The following TMEM232 variants were observed in gnomAD, a reference collection of about 807,000 sequenced individuals.
TMEM232 encodes transmembrane protein 232.
TMEM232 carries 80 observed loss-of-function variants against 78.8 expected under a neutral mutation model. The observed-to-expected ratio is 1.01, with a 90% CI of 0.85 to 1.22. The LOEUF (loss-of-function observed/expected upper bound fraction) is 1.22. Among genes scored for constraint, TMEM232 ranks in the 50% most tolerant of loss-of-function variants. The probability of loss-of-function intolerance (pLI) is 0.00; values close to 1 mark genes in which losing one functional copy is unlikely to be tolerated. For synonymous variants in TMEM232, 297 were observed against 254.3 expected, an observed-to-expected ratio of 1.17 and a Z score of -1.60; for missense variants, 881 against 742.2, an observed-to-expected ratio of 1.19 and a Z score of -2.17.
rs138329601 is a variant in TMEM232, at chr5:110,599,275, T to C, written c.1276+5834A>G. 9.1e-3 allele frequency among the ~76,000 whole-genome samples: 1,380 copies of C among 152,124 alleles called. 20 individuals carry two copies. Among genetic ancestry groups the C allele is most frequent in the African/African-American group, 0.032 (1,308 of 41,522 alleles). On this transcript the variant is annotated intron_variant, in intron 10 of 13. Coordinates refer to ENST00000455884, the MANE Select transcript of TMEM232 (RefSeq NM_001039763.4). ...AAACTGCATCAACTACTGTGCAAAA[T>C]AACCAGCTAGCATCATGAAGACAGG...
intron 2 of TMEM232, among the ~76,000 whole-genome samples, chr5:110,656,392 A>G (rs978734370): frequency 9.2e-5 from 14 of 152,164 alleles, no homozygotes; most frequent in Non-Finnish European, 1.0e-4. Flanking sequence ...ACACAGCCTT[A>G]TATCCTTATG....
intron 9 of TMEM232, 95 bp downstream of exon 9, chr5:110,606,069 C>G: frequency 8.7e-7 from 1 of 1,151,056 alleles, no homozygotes; most frequent in Non-Finnish European, 1.1e-6. Flanking sequence ...GTTATGCATA[C>G]TATATGCGCT....
intron 10 of TMEM232, among the ~76,000 whole-genome samples, chr5:110,593,058 A>G (rs1226419737): frequency 6.6e-6 from 1 of 152,190 alleles, no homozygotes; most frequent in Non-Finnish European, 1.5e-5. Context: ...AAGTGTGTTT[A>G]TTCAAATTTA....
rs114083318 is a variant in TMEM232 at position 110,709,507 on chromosome 5, C to A, written c.-13+17120G>T. On this transcript the variant is annotated intron_variant, in intron 1 of 13. Coordinates refer to ENST00000455884, the MANE Select transcript of TMEM232 (RefSeq NM_001039763.4). Reference sequence around the variant, plus strand: ...GTCACAGAATTGGGTCCAAAAAATTCAAAAAAAATGAAATTGTAATCAGGC... The same window carrying A: ...GTCACAGAATTGGGTCCAAAAAATTAAAAAAAAATGAAATTGTAATCAGGC... Among the ~76,000 whole-genome samples, 1,449 of 151,456 alleles carry A rather than the reference C, an allele frequency of 9.6e-3. 19 individuals carry two copies. The highest frequency in any genetic ancestry group is 0.034 in the African/African-American group (1,389 of 41,322).
intron 12 of TMEM232, among the ~76,000 whole-genome samples, chr5:110,445,986 A>T (rs1759601953): frequency 6.6e-6 from 1 of 152,182 alleles, no homozygotes. Context: ...TCCAGGTCAC[A>T]TTCAAAGAAA....
intron 10 of TMEM232, among the ~76,000 whole-genome samples, chr5:110,582,954 ATTAG>A (rs1778375928): frequency 6.6e-6 from 1 of 152,000 alleles, no homozygotes; most frequent in Admixed American, 6.6e-5. Context: ...ATTTAAGCAA[ATTAG>A]TTAGACTTCT....
intron 12 of TMEM232, among the ~76,000 whole-genome samples, chr5:110,506,974 T>TACCAC (rs1766980824): frequency 1.3e-5 from 2 of 152,190 alleles, no homozygotes; most frequent in Non-Finnish European, 2.9e-5. Context: ...CCTGAACATA[T>TACCAC]TTGACCAAGT....
chr5:110,464,573 C>G (rs1404484948), intron 12 of TMEM232, among the ~76,000 whole-genome samples: 1 of 152,140 alleles, frequency 6.6e-6, no homozygotes, highest in African/African-American at 2.4e-5. Flanking sequence ...GACTTTTAAG[C>G]TCAAATTTAT....
chr5:110,709,093 A>C (rs1796222476), intron 1 of TMEM232, among the ~76,000 whole-genome samples: 2 of 152,164 alleles, frequency 1.3e-5, no homozygotes, highest in Admixed American at 1.3e-4. Context: ...ATACTTATTT[A>C]AACAAAATAG....
chr5:110,525,825 T>C (rs1770501916), intron 12 of TMEM232, among the ~76,000 whole-genome samples: 2 of 151,028 alleles, frequency 1.3e-5, no homozygotes, highest in African/African-American at 4.8e-5. Flanking sequence ...ACAGTCCAAA[T>C]ATAGGCTTAT....
chr5:110,630,805 A>G (rs1477120125), intron 5 of TMEM232, among the ~76,000 whole-genome samples: 2 of 152,108 alleles, frequency 1.3e-5, no homozygotes, highest in African/African-American at 4.8e-5. Context: ...GGGGCTTGCT[A>G]TTGGGGGAAA....
intron 12 of TMEM232, among the ~76,000 whole-genome samples, chr5:110,502,741 G>A (rs1420706605): frequency 6.6e-6 from 1 of 152,162 alleles, no homozygotes; most frequent in Non-Finnish European, 1.5e-5. Context: ...CACATGGCAA[G>A]TGAGCCCCTT....
intron 11 of TMEM232, among the ~76,000 whole-genome samples, chr5:110,540,180 T>A (rs959369391): frequency 1.3e-5 from 2 of 152,188 alleles, no homozygotes; most frequent in African/African-American, 4.8e-5. Context: ...GCTGTAGTAG[T>A]ACTAGCCCAG....
chr5:110,510,813 T>C (rs1767634207), intron 12 of TMEM232, among the ~76,000 whole-genome samples: 1 of 151,746 alleles, frequency 6.6e-6, no homozygotes, highest in African/African-American at 2.4e-5. Flanking sequence ...GGAGAGGAGG[T>C]GGAAAAATAG....
At chr5:110,544,285 A>G (rs1418131325) in intron 11 of TMEM232, among the ~76,000 whole-genome samples, 2 of 152,136 alleles carry the variant, frequency 1.3e-5, no homozygotes, top group African/African-American at 2.4e-5. Context: ...CTTGAAGACT[A>G]TTTCCTTCAC....
At chr5:110,607,379 T>A (rs1454907816) in intron 8 of TMEM232, among the ~76,000 whole-genome samples, 1 of 151,960 alleles carries the variant, frequency 6.6e-6, no homozygotes, top group Non-Finnish European at 1.5e-5. Flanking sequence ...TCTAAACCAT[T>A]ACATAAATGT....
intron 5 of TMEM232, among the ~76,000 whole-genome samples, chr5:110,635,057 C>A (rs1361469663): frequency 6.6e-6 from 1 of 151,792 alleles, no homozygotes; most frequent in Non-Finnish European, 1.5e-5. Flanking sequence ...CTATTGTAAA[C>A]AACTATACAC....
intron 11 of TMEM232, among the ~76,000 whole-genome samples, chr5:110,541,591 T>C (rs1473927407): frequency 6.6e-6 from 1 of 152,132 alleles, no homozygotes; most frequent in African/African-American, 2.4e-5. Flanking sequence ...ACATTCAGCA[T>C]GGAGGCTTCA....
intron 10 of TMEM232, among the ~76,000 whole-genome samples, chr5:110,583,254 C>A (rs1019325585): frequency 3.3e-5 from 5 of 152,014 alleles, no homozygotes; most frequent in Admixed American, 2.0e-4. Context: ...AAGTATACTT[C>A]AAGGCTACAT....
Sources: gnomAD v4.1 joint callset for allele counts (sites outside exome capture counted in the v4.1 genomes callset) on GRCh38, gnomAD v4.1.1 for gene constraint, MANE v1.5 for transcripts, NCBI Gene and HGNC (gene_info 2026-07-23, HGNC 2026-07-21) for gene names.